Variants in PCDH9 observed in about 807,000 individuals in gnomAD.
PCDH9 encodes protocadherin 9.
Under a neutral mutation model 70.6 loss-of-function variants are expected in PCDH9, and 24 were observed. The ratio of observed to expected loss-of-function variants is 0.34; its 90% CI spans 0.25 to 0.48. The LOEUF (loss-of-function observed/expected upper bound fraction) is 0.48, where lower values mean the gene tolerates loss of function less well. PCDH9 is among the 20% of genes least tolerant of loss of function. PCDH9 has a pLI of 0.99. For missense variants in PCDH9, 1,281 were observed against 1,503.6 expected, an observed-to-expected ratio of 0.85 and a Z score of 2.45; for synonymous variants, 562 against 558.5, an observed-to-expected ratio of 1.01 and a Z score of -0.09.
chr13:66,534,658 A>C (rs2138640847), intron 4 of PCDH9, among the ~76,000 whole-genome samples: 1 of 152,098 alleles, frequency 6.6e-6, no homozygotes, highest in East Asian at 1.9e-4. Flanking sequence ...TTTTTATTGT[A>C]TGCTTATTTT....
chr13:66,882,999 C>T (rs2081946543), intron 3 of PCDH9, among the ~76,000 whole-genome samples: 1 of 152,176 alleles, frequency 6.6e-6, no homozygotes, highest in East Asian at 1.9e-4. Context: ...CATTCAGTGT[C>T]CTTCAGTGTC....
chr13:67,146,068 T>C (rs2087516284), intron 2 of PCDH9, among the ~76,000 whole-genome samples: 1 of 152,154 alleles, frequency 6.6e-6, no homozygotes, highest in Non-Finnish European at 1.5e-5. Flanking sequence ...AGGACTCTTT[T>C]TGCTGAATGT....
chr13:67,091,456 C>T (rs181206248), intron 2 of PCDH9, among the ~76,000 whole-genome samples: 1 of 152,210 alleles, frequency 6.6e-6, no homozygotes, highest in East Asian at 1.9e-4. Flanking sequence ...ATGTTGATTG[C>T]CGTCATTTGA....
chr13:67,079,055 A>T (rs1487181756), intron 2 of PCDH9, among the ~76,000 whole-genome samples: 1 of 152,052 alleles, frequency 6.6e-6, no homozygotes, highest in Non-Finnish European at 1.5e-5. Context: ...CACGCCTGTA[A>T]TCATAGCACT....
At chr13:66,420,114 C>T (rs1369032865) in intron 4 of PCDH9, among the ~76,000 whole-genome samples, 1 of 152,154 alleles carries the variant, frequency 6.6e-6, no homozygotes, top group Non-Finnish European at 1.5e-5. Flanking sequence ...AAGCAGACTG[C>T]CTCTCTAGAT....
chr13:66,905,252 A>G lies in PCDH9; in HGVS notation c.3037-1647T>C, dbSNP rs114899240. ...TGTGATGTCCATAGACATTTTAATT[A>G]TTCAATTCCTATCCCTAGCCTCTCC... On this transcript the variant is annotated intron_variant, in intron 2 of 4. Coordinates refer to ENST00000377865, the MANE Select transcript of PCDH9 (RefSeq NM_203487.3). Among the ~76,000 whole-genome samples the G allele has an allele frequency of 7.7e-3, 1,169 of 152,116 alleles. 17 individuals carry two copies. Among genetic ancestry groups the G allele is most frequent in the African/African-American group, 0.027 (1,114 of 41,512 alleles).
At chr13:66,614,552 G>A (rs1040142924) in intron 4 of PCDH9, among the ~76,000 whole-genome samples, 6 of 152,066 alleles carry the variant, frequency 3.9e-5, no homozygotes, top group African/African-American at 7.2e-5. Flanking sequence ...TTTAACACTC[G>A]AACATTTAAC....
At chr13:66,642,727 C>A (rs955727520) in intron 3 of PCDH9, among the ~76,000 whole-genome samples, 2 of 151,746 alleles carry the variant, frequency 1.3e-5, no homozygotes, top group African/African-American at 4.8e-5. Flanking sequence ...GTAAAAATGG[C>A]ACATTTTCTT....
chr13:66,561,258 A>G (rs1333232952), intron 4 of PCDH9, among the ~76,000 whole-genome samples: 1 of 152,206 alleles, frequency 6.6e-6, no homozygotes, highest in Non-Finnish European at 1.5e-5. Context: ...GCCTTCCCAC[A>G]GGGCAGGGCT....
intron 4 of PCDH9, among the ~76,000 whole-genome samples, chr13:66,367,672 A>G (rs1047307907): frequency 1.3e-5 from 2 of 152,170 alleles, no homozygotes; most frequent in African/African-American, 2.4e-5. Context: ...GGTGTGATAG[A>G]GCCTCACATT....
chr13:66,348,675 A>ATTTTTT (rs59340641), intron 4 of PCDH9, among the ~76,000 whole-genome samples: 3 of 136,102 alleles, frequency 2.2e-5, no homozygotes, highest in South Asian at 2.3e-4. Flanking sequence ...GCTATTTGCC[A>ATTTTTT]TTTTTTTTTT....
chr13:66,795,003 A>ACACACACAC (rs1555269744), intron 3 of PCDH9, among the ~76,000 whole-genome samples: 2 of 151,628 alleles, frequency 1.3e-5, no homozygotes, highest in Admixed American at 6.6e-5. Context: ...ACACACACAC[A>ACACACACAC]AATTGAAATA....
intron 3 of PCDH9, among the ~76,000 whole-genome samples, chr13:66,898,635 A>G (rs2082224217): frequency 6.6e-6 from 1 of 152,076 alleles, no homozygotes; most frequent in Admixed American, 6.6e-5. Context: ...ATAACAGGAA[A>G]ATAAAGGTGT....
At chr13:66,734,597 C>T (rs1440385269) in intron 3 of PCDH9, among the ~76,000 whole-genome samples, 2 of 152,160 alleles carry the variant, frequency 1.3e-5, no homozygotes, top group Non-Finnish European at 2.9e-5. Flanking sequence ...GCTTCCAGCA[C>T]ATTCATTTTC....
At position 66,307,019 on chromosome 13, in the gene PCDH9, C is replaced by T. The variant is rs564359896; in HGVS notation, c.3341-1991G>A. On this transcript the variant is annotated intron_variant, in intron 4 of 4. Transcript: ENST00000377865. ...GGCCTGTTTTCATTTAATTACTGAC[C>T]TCTTCAAGGGTCAGCTTATGTCCCA... Among the ~76,000 whole-genome samples, 128 of 152,050 alleles carry T rather than the reference C, an allele frequency of 8.4e-4. 1 individual carries two copies. Among genetic ancestry groups the T allele is most frequent in the African/African-American group, 3.0e-3 (126 of 41,500 alleles).
chr13:66,488,692 C>T (rs1000814200), intron 4 of PCDH9, among the ~76,000 whole-genome samples: 6 of 151,986 alleles, frequency 3.9e-5, no homozygotes, highest in African/African-American at 1.5e-4. Flanking sequence ...TACAGGTCCA[C>T]ATAGAAGAAA....
At chr13:67,009,870 T>C (rs972049129) in intron 2 of PCDH9, among the ~76,000 whole-genome samples, 5 of 151,970 alleles carry the variant, frequency 3.3e-5, no homozygotes, top group African/African-American at 1.2e-4. Context: ...ACAGATCACA[T>C]AGTAAACACT....
intron 3 of PCDH9, among the ~76,000 whole-genome samples, chr13:66,874,776 G>C (rs1434047896): frequency 6.6e-6 from 1 of 152,030 alleles, no homozygotes; most frequent in Non-Finnish European, 1.5e-5. Flanking sequence ...GCATCTGAAG[G>C]CTTGAAGGCT....
At chr13:66,960,087 CTGACA>C (rs961960693) in intron 2 of PCDH9, among the ~76,000 whole-genome samples, 1 of 152,188 alleles carries the variant, frequency 6.6e-6, no homozygotes, top group Non-Finnish European at 1.5e-5. Flanking sequence ...TGCAAATTGA[CTGACA>C]TGCAAGAAAG....
Sources: allele counts gnomAD v4.1 joint callset (sites outside exome capture counted in the v4.1 genomes callset), GRCh38; gene constraint gnomAD v4.1.1; transcripts MANE v1.5; gene names NCBI Gene and HGNC (gene_info 2026-07-23, HGNC 2026-07-21).